NTM: variants seen among roughly 807,000 people sequenced by gnomAD.
NTM encodes the protein IgLON family member 2.
Under a neutral mutation model 42.1 loss-of-function variants are expected in NTM, and 13 were observed. That is an observed-to-expected ratio of 0.31 (90% confidence interval 0.20 to 0.49). The LOEUF (loss-of-function observed/expected upper bound fraction) is 0.49. Ranked by LOEUF, NTM falls within the 20% of genes least tolerant of loss-of-function variation. NTM has a pLI of 0.99. For missense variants in NTM, 373 were observed against 452.8 expected (o/e 0.82, Z 1.60); for synonymous variants, 187 against 179.2 (o/e 1.04, Z -0.35).
At chr11:131,702,168 A>G (rs1160299697) in intron 1 of NTM, among the ~76,000 whole-genome samples, 2 of 152,048 alleles carry the variant, frequency 1.3e-5, no homozygotes, top group Non-Finnish European at 2.9e-5. Context: ...CCTGACCCAC[A>G]TCTTCCATCT....
chr11:131,804,092 CG>C (rs1363654387), intron 1 of NTM, among the ~76,000 whole-genome samples: 2 of 152,136 alleles, frequency 1.3e-5, no homozygotes, highest in Admixed American at 6.5e-5. Context: ...TTTGCTATTT[CG>C]TACCACTCCT....
intron 4 of NTM, among the ~76,000 whole-genome samples, chr11:132,279,390 T>C (rs2093875966): frequency 6.6e-6 from 1 of 152,308 alleles, no homozygotes; most frequent in Non-Finnish European, 1.5e-5. Flanking sequence ...ATCACAGAGA[T>C]CTGTTCATGT....
chr11:131,395,711 A>G (rs549160490), intron 1 of NTM, among the ~76,000 whole-genome samples: 41 of 152,320 alleles, frequency 2.7e-4, no homozygotes, highest in African/African-American at 9.9e-4. Flanking sequence ...AAAACTGTGA[A>G]GGGAGAAGTG....
chr11:132,165,569 C>T (rs1370062752), intron 3 of NTM, among the ~76,000 whole-genome samples: 1 of 152,162 alleles, frequency 6.6e-6, no homozygotes, highest in Admixed American at 6.5e-5. Context: ...TCATTTAAAT[C>T]TCCCAACAAT....
chr11:132,160,470 T>A (rs371308581), intron 3 of NTM, among the ~76,000 whole-genome samples: 1 of 152,226 alleles, frequency 6.6e-6, no homozygotes, highest in East Asian at 1.9e-4. Flanking sequence ...TGAAGAAAGA[T>A]GCATATATAG....
intron 2 of NTM, among the ~76,000 whole-genome samples, chr11:132,028,456 T>G (rs1593887494): frequency 6.6e-6 from 1 of 152,320 alleles, no homozygotes; most frequent in East Asian, 1.9e-4. Flanking sequence ...GATTTCCCTG[T>G]TGTCCCTAGA....
At chr11:131,714,266 G>T (rs2077458901) in intron 1 of NTM, among the ~76,000 whole-genome samples, 2 of 152,072 alleles carry the variant, frequency 1.3e-5, no homozygotes, top group Admixed American at 6.5e-5. Context: ...TTGGCTCACT[G>T]CAACCTCCAC....
At chr11:131,736,746 G>A (rs752928602) in intron 1 of NTM, among the ~76,000 whole-genome samples, 2 of 152,144 alleles carry the variant, frequency 1.3e-5, no homozygotes, top group Admixed American at 6.5e-5. Context: ...AGACATTTCC[G>A]CAGCTTCTCT....
At chr11:131,612,019 A>G (rs995560039) in intron 1 of NTM, among the ~76,000 whole-genome samples, 2 of 152,210 alleles carry the variant, frequency 1.3e-5, no homozygotes, top group Non-Finnish European at 1.5e-5. Flanking sequence ...AGGTGATGGC[A>G]TGTGACTTCA....
chr11:131,444,493 G>C (rs915112126), intron 1 of NTM, among the ~76,000 whole-genome samples: 1 of 152,204 alleles, frequency 6.6e-6, no homozygotes, highest in Non-Finnish European at 1.5e-5. Context: ...ATAGAAACTA[G>C]AGAGTTGGGG....
At chr11:132,090,998 C>A (rs115302374) in intron 2 of NTM, among the ~76,000 whole-genome samples, 1 of 152,182 alleles carries the variant, frequency 6.6e-6, no homozygotes, top group South Asian at 2.1e-4. Context: ...TTCCAATTTT[C>A]TCCATTCCAC....
intron 1 of NTM, among the ~76,000 whole-genome samples, chr11:131,718,379 A>G (rs547601056): frequency 1.3e-5 from 2 of 152,316 alleles, no homozygotes; most frequent in Admixed American, 6.5e-5. Flanking sequence ...TACAAATTCA[A>G]TGTGTTTTGG....
At chr11:132,060,289 A>T (rs1410478882) in intron 2 of NTM, among the ~76,000 whole-genome samples, 1 of 152,222 alleles carries the variant, frequency 6.6e-6, no homozygotes, top group African/African-American at 2.4e-5. Flanking sequence ...CGGGCAATGA[A>T]ATTGTGTAGG....
intron 1 of NTM, among the ~76,000 whole-genome samples, chr11:131,724,401 A>G (rs2078714638): frequency 1.3e-5 from 2 of 152,038 alleles, no homozygotes; most frequent in South Asian, 2.1e-4. Context: ...TGAGAAGACA[A>G]CTCAAGCGTG....
chr11:131,574,663 C>T (rs2057765962), intron 1 of NTM, among the ~76,000 whole-genome samples: 1 of 151,946 alleles, frequency 6.6e-6, no homozygotes, highest in Non-Finnish European at 1.5e-5. Flanking sequence ...CAATGCCAGT[C>T]CCAGAGTTCC....
At chr11:131,991,317 G>C (rs1037743988) in intron 2 of NTM, among the ~76,000 whole-genome samples, 3 of 152,166 alleles carry the variant, frequency 2.0e-5, no homozygotes, top group Admixed American at 6.5e-5. Context: ...CAATAAGAGA[G>C]TCTTGTTTGG....
chr11:132,110,777 G>C (rs2063057735), intron 2 of NTM, among the ~76,000 whole-genome samples: 1 of 152,034 alleles, frequency 6.6e-6, no homozygotes, highest in Non-Finnish European at 1.5e-5. Flanking sequence ...GCTGATGCCT[G>C]TAATTCCAAC....
At chr11:132,009,919 A>G (rs2071712921) in intron 2 of NTM, among the ~76,000 whole-genome samples, 2 of 152,076 alleles carry the variant, frequency 1.3e-5, no homozygotes, top group African/African-American at 2.4e-5. Context: ...AGAGAAGGTT[A>G]CCCTTTTTTT....
At chr11:131,542,635 T>G (rs1166920066) in intron 1 of NTM, among the ~76,000 whole-genome samples, 2 of 152,194 alleles carry the variant, frequency 1.3e-5, no homozygotes, top group Non-Finnish European at 2.9e-5. Flanking sequence ...CACCCACATT[T>G]ATCAGCTCCC....
Sources: allele counts gnomAD v4.1 joint callset (sites outside exome capture counted in the v4.1 genomes callset), GRCh38; gene constraint gnomAD v4.1.1; transcripts MANE v1.5; gene names NCBI Gene and HGNC (gene_info 2026-07-23, HGNC 2026-07-21).